SUSD4: variants seen among roughly 807,000 people sequenced by gnomAD.
SUSD4 encodes the protein sushi domain-containing protein 4.
Under a neutral mutation model 50.5 loss-of-function variants are expected in SUSD4, and 41 were observed. The observed-to-expected ratio is 0.81, with a 90% CI of 0.63 to 1.05. The LOEUF is 1.05. SUSD4 is among the 50% of genes least tolerant of loss of function. The pLI is 0.00. For synonymous variants in SUSD4, 257 were observed against 257.3 expected, an observed-to-expected ratio of 1.00 and a Z score of 0.01; for missense variants, 580 against 634.7, an observed-to-expected ratio of 0.91 and a Z score of 0.93.
intron 3 of SUSD4, among the ~76,000 whole-genome samples, chr1:223,278,261 C>T (rs570447124): frequency 9.9e-5 from 15 of 152,220 alleles, no homozygotes; most frequent in Admixed American, 4.6e-4. Flanking sequence ...CAAAGCAGGG[C>T]GAGGCATCAC....
chr1:223,269,888 C>T (rs1382075132), intron 3 of SUSD4, among the ~76,000 whole-genome samples: 3 of 152,102 alleles, frequency 2.0e-5, no homozygotes, highest in Non-Finnish European at 2.9e-5. Context: ...TTTGAACTGT[C>T]GGCTCTGAGG....
chr1:223,348,155 T>A (rs1266192929), intron 2 of SUSD4, among the ~76,000 whole-genome samples: 1 of 152,126 alleles, frequency 6.6e-6, no homozygotes. Flanking sequence ...TTTAGAACAC[T>A]AGAAGCAGTA....
chr1:223,321,004 C>G (rs977447424), intron 2 of SUSD4, among the ~76,000 whole-genome samples: 1 of 152,204 alleles, frequency 6.6e-6, no homozygotes, highest in African/African-American at 2.4e-5. Context: ...GTGGCATGAT[C>G]TTCCGAATTT....
intron 3 of SUSD4, among the ~76,000 whole-genome samples, chr1:223,282,453 A>G (rs1395270725): frequency 6.6e-6 from 1 of 152,176 alleles, no homozygotes; most frequent in Non-Finnish European, 1.5e-5. Context: ...TAACAGACAA[A>G]CAGAGAGCCA....
chr1:223,242,895 G>T (rs1354769483), intron 5 of SUSD4, among the ~76,000 whole-genome samples: 2 of 152,168 alleles, frequency 1.3e-5, no homozygotes, highest in East Asian at 3.9e-4. Flanking sequence ...GAAAGCATCT[G>T]CCAGTTGTCT....
intron 3 of SUSD4, among the ~76,000 whole-genome samples, chr1:223,286,730 G>A (rs945443751): frequency 6.6e-6 from 1 of 152,224 alleles, no homozygotes; most frequent in Non-Finnish European, 1.5e-5. Flanking sequence ...TGGTTATGCA[G>A]GTAATAAATA....
At chr1:223,286,240 C>A (rs999737586) in intron 3 of SUSD4, among the ~76,000 whole-genome samples, 1 of 152,080 alleles carries the variant, frequency 6.6e-6, no homozygotes, top group Non-Finnish European at 1.5e-5. Flanking sequence ...CTCAGCCTCC[C>A]GAGTAGCTGG....
chr1:223,283,886 G>A (rs553150726), intron 3 of SUSD4, among the ~76,000 whole-genome samples: 1 of 152,308 alleles, frequency 6.6e-6, no homozygotes, highest in South Asian at 2.1e-4. Flanking sequence ...ATGCACCATG[G>A]AATACTACGC....
chr1:223,355,323 C>G (rs2102588326), intron 2 of SUSD4, among the ~76,000 whole-genome samples: 1 of 152,172 alleles, frequency 6.6e-6, no homozygotes, highest in East Asian at 1.9e-4. Flanking sequence ...ATCCACCTGC[C>G]TCGGTCTCCC....
intron 5 of SUSD4, among the ~76,000 whole-genome samples, chr1:223,261,748 G>A (rs1027344271): frequency 2.6e-5 from 4 of 152,226 alleles, no homozygotes; most frequent in African/African-American, 9.6e-5. Context: ...CGTATTCACA[G>A]AGAGTCATGC....
At chr1:223,335,235 C>A (rs1667394981) in intron 2 of SUSD4, among the ~76,000 whole-genome samples, 1 of 152,022 alleles carries the variant, frequency 6.6e-6, no homozygotes, top group South Asian at 2.1e-4. Flanking sequence ...TGGGTAGATA[C>A]CCAGTAGTGG....
At chr1:223,355,963 C>T (rs1668641844) in intron 2 of SUSD4, among the ~76,000 whole-genome samples, 1 of 152,180 alleles carries the variant, frequency 6.6e-6, no homozygotes, top group Non-Finnish European at 1.5e-5. Context: ...CAGGCCCTGA[C>T]CTGCTGGGGC....
At chr1:223,262,246 G>C (rs1036575554) in intron 5 of SUSD4, among the ~76,000 whole-genome samples, 10 of 152,170 alleles carry the variant, frequency 6.6e-5, no homozygotes, top group Non-Finnish European at 1.3e-4. Flanking sequence ...TTCCACAGCA[G>C]AACTGTCCAC....
intron 1 of SUSD4, 164 bp from the exon 2 acceptor site, chr1:223,363,624 T>G: frequency 2.6e-6 from 2 of 779,468 alleles, no homozygotes; most frequent in East Asian, 2.9e-5. Context: ...GTCCCCCGCC[T>G]TCCCCCGAGC....
chr1:223,269,675 T>C (rs1033986336), intron 3 of SUSD4, among the ~76,000 whole-genome samples: 2 of 152,264 alleles, frequency 1.3e-5, no homozygotes, highest in African/African-American at 4.8e-5. Flanking sequence ...AGATGGGTTA[T>C]GTTCCAAATT....
At chr1:223,284,629 G>C (rs1664009842) in intron 3 of SUSD4, among the ~76,000 whole-genome samples, 1 of 152,164 alleles carries the variant, frequency 6.6e-6, no homozygotes, top group South Asian at 2.1e-4. Context: ...ATAGATGAAT[G>C]GGTAACGAAA....
chr1:223,224,411 G>A (rs1659352807), intron 7 of SUSD4, among the ~76,000 whole-genome samples: 2 of 151,974 alleles, frequency 1.3e-5, no homozygotes, highest in African/African-American at 4.8e-5. Context: ...CTGGCCCTAT[G>A]CTCATCATGT....
chr1:223,255,099 T>C (rs1202894506), intron 5 of SUSD4, among the ~76,000 whole-genome samples: 2 of 152,194 alleles, frequency 1.3e-5, no homozygotes, highest in Non-Finnish European at 2.9e-5. Flanking sequence ...TATGTACTAA[T>C]GTATGTGCCC....
intron 1 of SUSD4, 193 bp from the exon 2 acceptor site, chr1:223,363,653 G>T: frequency 1.8e-6 from 1 of 561,634 alleles, no homozygotes; most frequent in Admixed American, 3.3e-5. Context: ...CTGAGTAACA[G>T]CCGCCGTGGG....
Sources: allele counts gnomAD v4.1 joint callset (sites outside exome capture counted in the v4.1 genomes callset), GRCh38; gene constraint gnomAD v4.1.1; transcripts MANE v1.5; gene names NCBI Gene and HGNC (gene_info 2026-07-23, HGNC 2026-07-21).